The following OTOF variants were observed in gnomAD, a reference collection of about 807,000 sequenced individuals.
OTOF encodes otoferlin, also known as fer-1-like family member 2.
A neutral mutation model predicts 236.8 loss-of-function variants in OTOF; 218 were observed. That is an observed-to-expected ratio of 0.92 (90% confidence interval 0.82 to 1.03). The LOEUF (loss-of-function observed/expected upper bound fraction) is 1.03, where lower values mean the gene tolerates loss of function less well. Ranked by LOEUF, OTOF falls within the 50% of genes least tolerant of loss-of-function variation. The probability of loss-of-function intolerance (pLI) is 0.00; values close to 1 mark genes in which losing one functional copy is unlikely to be tolerated. For synonymous variants in OTOF, 1,041 were observed against 1,072.5 expected (o/e 0.97, Z 0.57); for missense variants, 2,590 against 2,694.4 (o/e 0.96, Z 0.86).
intron 5 of OTOF, among the ~76,000 whole-genome samples, chr2:26,509,987 C>T (rs937710429): frequency 1.2e-4 from 18 of 152,102 alleles, no homozygotes; most frequent in Non-Finnish European, 1.9e-4. Context: ...TATGAGATCC[C>T]GTAATGCTAG....
At chr2:26,474,401 CCCCCAGGCCCCAGA>C in intron 26 of OTOF, 98 bp downstream of exon 26, 1 of 687,708 alleles carries the variant, frequency 1.5e-6, no homozygotes, top group South Asian at 1.7e-5. Context: ...CCAGGCCCCA[CCCCCAGGCCCCAGA>C]CCCCAGGCCC....
chr2:26,482,955 G>T (rs1665594431), intron 13 of OTOF, among the ~76,000 whole-genome samples: 3 of 150,330 alleles, frequency 2.0e-5, no homozygotes, highest in Non-Finnish European at 4.4e-5. Flanking sequence ...GGGTGCATGT[G>T]TGCACGTGTG....
chr2:26,496,602 C>A (rs1268302643), intron 8 of OTOF, among the ~76,000 whole-genome samples: 1 of 151,714 alleles, frequency 6.6e-6, no homozygotes, highest in Non-Finnish European at 1.5e-5. Context: ...AGAGAGAGAG[C>A]CAGAGCACCA....
chr2:26,538,764 G>A (rs1667138892), intron 1 of OTOF, among the ~76,000 whole-genome samples: 1 of 151,962 alleles, frequency 6.6e-6, no homozygotes, highest in Non-Finnish European at 1.5e-5. Flanking sequence ...GGTAGCTGAT[G>A]GTCTAGAAGG....
At chr2:26,494,130 C>T (rs944667686) in intron 9 of OTOF, among the ~76,000 whole-genome samples, 2 of 152,232 alleles carry the variant, frequency 1.3e-5, no homozygotes, top group African/African-American at 4.8e-5. Context: ...GGCAGCCTGG[C>T]CCCTGCTCTA....
chr2:26,538,816 A>ATGTT (rs1667140712), intron 1 of OTOF, among the ~76,000 whole-genome samples: 1 of 138,754 alleles, frequency 7.2e-6, no homozygotes, highest in African/African-American at 2.7e-5. Context: ...GGGAAACACC[A>ATGTT]TTTTTTTTTT....
chr2:26,499,570 C>T (rs760492654), intron 8 of OTOF, among the ~76,000 whole-genome samples: 2 of 152,010 alleles, frequency 1.3e-5, no homozygotes, highest in African/African-American at 2.4e-5. Context: ...TGCAGTGGTG[C>T]GGTCTCGACT....
intron 35 of OTOF, 42 bp from the exon 36 acceptor site, chr2:26,466,893 C>G (rs763738119): frequency 7.4e-6 from 12 of 1,613,754 alleles, no homozygotes; most frequent in Non-Finnish European, 1.0e-5. Flanking sequence ...GTTTGCCTGG[C>G]AAGGGTGGCA....
chr2:26,461,583 G>GA lies in OTOF; in HGVS notation c.5533+112dup. 1 of 1,450,208 alleles carries GA rather than the reference G, an allele frequency of 6.9e-7. No homozygotes were observed. Among genetic ancestry groups the GA allele is most frequent in the Non-Finnish European group, 9.5e-7 (1 of 1,053,814 alleles). 89.8% of individuals were successfully genotyped at this position (1,450,208 alleles called of 1,614,324 possible). On this transcript the variant is annotated intron_variant, in intron 43 of 46. Coordinates refer to ENST00000272371, the MANE Select transcript of OTOF (RefSeq NM_194248.3). This position sits in a 1 kb window ranked among gnomAD's most constrained non-coding sequence, Gnocchi z 6.2. ...GGACACCCCTGGCTCTGATGGACTG[G>GA]AAGCAATGACCCCTTGTCCCCCCAA...
Position 26,502,330 on chromosome 2 carries a change from G to A in OTOF, c.680C>T (p.Thr227Ile). The A allele has an allele frequency of 1.2e-6, 2 of 1,614,120 alleles. No individual in the cohort carries two copies. Among genetic ancestry groups the A allele is most frequent in the Non-Finnish European group, 1.7e-6 (2 of 1,180,008 alleles). The change falls in exon 7 of 47, where the codon ACA becomes ATA. Residue 227 changes from threonine (T) to isoleucine (I), a missense_variant. This residue lies in a region of OTOF where 1,379 missense variants were observed against 1,341.6 expected (regional missense o/e 1.03). Transcript: ENST00000272371. ...GTTGGAGACATTAGTGGTGAGAGCTGTGACTGAGGCTAGAGACACCGAGTC... is the reference window on the plus strand; with the variant it reads ...GTTGGAGACATTAGTGGTGAGAGCTATGACTGAGGCTAGAGACACCGAGTC... ...DPDSVSLASV[T>I]ALTTNVSNKR... is the part of the protein sequence containing the mutation.
chr2:26,548,450 A>C (rs1327945305), intron 1 of OTOF, among the ~76,000 whole-genome samples: 2 of 152,290 alleles, frequency 1.3e-5, no homozygotes, highest in Admixed American at 1.3e-4. Flanking sequence ...ATCACCCTGG[A>C]AGGAGACTCC....
At chr2:26,537,682 G>C in intron 2 of OTOF, 34 bp downstream of exon 2, 1 of 1,520,240 alleles carries the variant, frequency 6.6e-7, no homozygotes, top group Non-Finnish European at 8.9e-7. Context: ...TCTGGGCTCA[G>C]GGCTGAGGGA....
intron 8 of OTOF, among the ~76,000 whole-genome samples, chr2:26,497,742 G>A (rs6547065): frequency 0.31 from 47,040 of 151,768 alleles, 10,182 homozygotes; most frequent in African/African-American, 0.61. Context: ...ACAAAGGGAC[G>A]GAAGTAAAAG....
chr2:26,479,733 G>C, intron 16 of OTOF, 80 bp from the exon 17 acceptor site: 1 of 1,454,180 alleles, frequency 6.9e-7, no homozygotes, highest in Non-Finnish European at 9.6e-7. Flanking sequence ...TGCTGCCTTG[G>C]GTTTGGGAAA....
In OTOF at chr2:26,461,132, C is replaced by T. The variant is rs1664446130; in HGVS notation, c.5534-102G>A. The T allele has an allele frequency of 2.0e-6, 2 of 978,112 alleles. No homozygotes were observed. The highest frequency in any genetic ancestry group is 3.1e-6 in the Non-Finnish European group (2 of 641,212). The allele number at this position is 978,112 out of a possible 1,614,324, so 60.6% of individuals were successfully genotyped here. A position where few individuals can be genotyped will look rare whatever the true frequency, so the allele number is the denominator to read the frequency against. The stretch of plus-strand genomic sequence containing the variant: ...CGGCCCCTTGTTTGCTGAGTGCAGA[C>T]CTCCCTGAGCCCACATCTCATCCTC... On this transcript the variant is annotated intron_variant, in intron 43 of 46. Coordinates refer to ENST00000272371, the MANE Select transcript of OTOF (RefSeq NM_194248.3). The surrounding 1 kb of genome is among the most constrained non-coding windows in gnomAD (Gnocchi z 6.2).
chr2:26,477,741 G>A lies in OTOF; in HGVS notation c.2223C>T (p.Gly741=). The part of the protein sequence containing the change: ...MDHIADKLEE[G]LNDIQEMIKT... ...TGATCATCTCCTGTATGTCGTTCAG[G>A]CCTTCTTCCTGTGAATCAGGAGTGT... is the stretch of plus-strand genomic sequence containing the variant. The change falls in exon 19 of 47, where the codon GGC becomes GGT. Residue 741 remains glycine, a synonymous_variant. Coordinates refer to ENST00000272371, the MANE Select transcript of OTOF (RefSeq NM_194248.3). This position sits in a 1 kb window ranked among gnomAD's most constrained non-coding sequence, Gnocchi z 4.7. 1 of 1,612,700 alleles carries A rather than the reference G, an allele frequency of 6.2e-7. No individual in the cohort carries two copies. The highest frequency in any genetic ancestry group is 8.5e-7 in the Non-Finnish European group (1 of 1,179,934).
At chr2:26,463,246 A>G (rs1664567105) in intron 41 of OTOF, among the ~76,000 whole-genome samples, 1 of 152,208 alleles carries the variant, frequency 6.6e-6, no homozygotes, top group Non-Finnish European at 1.5e-5. Context: ...TCACTGATGC[A>G]GGGTGGAAGG....
chr2:26,524,036 G>T (rs1482475488), intron 3 of OTOF, among the ~76,000 whole-genome samples: 4 of 152,270 alleles, frequency 2.6e-5, no homozygotes, highest in African/African-American at 9.6e-5. Context: ...TCTGCAGCCA[G>T]CAGTGCCCTG....
At chr2:26,557,348 G>T (rs1194703835) in intron 1 of OTOF, among the ~76,000 whole-genome samples, 1 of 152,170 alleles carries the variant, frequency 6.6e-6, no homozygotes, top group African/African-American at 2.4e-5. Context: ...TCGGGAGAAG[G>T]GGCCATGTCT....
Sources: allele counts gnomAD v4.1 joint callset (sites outside exome capture counted in the v4.1 genomes callset), GRCh38; gene constraint gnomAD v4.1.1; regional missense constraint gnomAD v4.1.1; non-coding constraint Gnocchi (gnomAD v3.1); transcripts MANE v1.5; gene names NCBI Gene and HGNC (gene_info 2026-07-23, HGNC 2026-07-21).